Variants in SNX29 observed in about 807,000 individuals in gnomAD.
The protein encoded by SNX29 is sorting nexin-29.
A neutral mutation model predicts 102.1 loss-of-function variants in SNX29; 78 were observed. The ratio of observed to expected loss-of-function variants is 0.76; its 90% CI spans 0.64 to 0.92. The LOEUF (loss-of-function observed/expected upper bound fraction) is 0.92. Among genes scored for constraint, SNX29 ranks in the 40% least tolerant of loss-of-function variants. SNX29 has a pLI of 0.00. For synonymous variants in SNX29, 580 were observed against 414.5 expected, an observed-to-expected ratio of 1.40 and a Z score of -4.85; for missense variants, 1,280 against 1,061.7, an observed-to-expected ratio of 1.21 and a Z score of -2.86.
chr16:12,514,694 G>C (rs979012312), intron 19 of SNX29, among the ~76,000 whole-genome samples: 1 of 152,066 alleles, frequency 6.6e-6, no homozygotes, highest in African/African-American at 2.4e-5. Context: ...GTGAAACCCC[G>C]TCTCTAGTAA....
chr16:12,569,315 C>T lies in SNX29; in HGVS notation c.*686C>T, dbSNP rs1057160950. ...CCCCATGGCTGGCTTCAGGAAGGAC[C>T]AGTGCCCTCCATAGCCTGAGGCCAC... On this transcript the variant is annotated 3_prime_UTR_variant, in exon 21 of 21. Coordinates refer to ENST00000566228, the MANE Select transcript of SNX29 (RefSeq NM_032167.5). 3 of 229,672 alleles carry T rather than the reference C, an allele frequency of 1.3e-5. No homozygotes were observed. Among genetic ancestry groups the T allele is most frequent in the African/African-American group, 2.2e-5 (1 of 45,112 alleles). The allele number at this position is 229,672 out of a possible 1,614,324, so 14.2% of individuals were successfully genotyped here. A position where few individuals can be genotyped will look rare whatever the true frequency, so the allele number is the denominator to read the frequency against.
chr16:12,520,553 A>G (rs2090058625), intron 19 of SNX29, among the ~76,000 whole-genome samples: 1 of 152,214 alleles, frequency 6.6e-6, no homozygotes, highest in Non-Finnish European at 1.5e-5. Flanking sequence ...ATGAGTGAAG[A>G]TGTCACAGAC....
At chr16:12,128,657 T>TG (rs2054324304) in intron 12 of SNX29, among the ~76,000 whole-genome samples, 1 of 152,118 alleles carries the variant, frequency 6.6e-6, no homozygotes. Flanking sequence ...TTCATCATGT[T>TG]GGCCAGGCTG....
intron 11 of SNX29, among the ~76,000 whole-genome samples, chr16:12,079,960 T>C (rs918244562): frequency 3.3e-5 from 5 of 152,204 alleles, no homozygotes; most frequent in Non-Finnish European, 5.9e-5. Context: ...GGGTGAAATA[T>C]AGTATTTTCT....
chr16:12,341,046 T>C (rs755274848), intron 15 of SNX29, among the ~76,000 whole-genome samples: 9 of 152,138 alleles, frequency 5.9e-5, no homozygotes, highest in Non-Finnish European at 1.2e-4. Context: ...ATGATTACAG[T>C]GAAGGAATAT....
chr16:12,546,461 C>T (rs758301682), intron 20 of SNX29: 3 of 152,134 alleles, frequency 2.0e-5, no homozygotes, highest in African/African-American at 7.2e-5. Flanking sequence ...CTTATGAAAC[C>T]ATCACATTCA....
chr16:12,515,578 C>T (rs1464896540), intron 19 of SNX29: 1 of 491,406 alleles, frequency 2.0e-6, no homozygotes, highest in Non-Finnish European at 4.0e-6. Flanking sequence ...TGCATTGCCT[C>T]CTCTGAATCT....
intron 11 of SNX29, among the ~76,000 whole-genome samples, chr16:12,095,525 A>G (rs1228693130): frequency 6.6e-6 from 1 of 152,128 alleles, no homozygotes; most frequent in Non-Finnish European, 1.5e-5. Flanking sequence ...AACATCAAGC[A>G]TGCATGCAGC....
At chr16:12,401,748 T>A (rs961324255) in intron 17 of SNX29, among the ~76,000 whole-genome samples, 2 of 152,208 alleles carry the variant, frequency 1.3e-5, no homozygotes, top group African/African-American at 2.4e-5. Context: ...CTGCTTCTTT[T>A]ATTGCTCTAT....
chr16:12,407,959 T>C (rs1597271033), intron 18 of SNX29, among the ~76,000 whole-genome samples: 1 of 152,194 alleles, frequency 6.6e-6, no homozygotes, highest in East Asian at 1.9e-4. Flanking sequence ...CCCCTGTATT[T>C]CAGCCTACGC....
chr16:12,422,366 C>T (rs1463866982), intron 18 of SNX29, among the ~76,000 whole-genome samples: 1 of 152,174 alleles, frequency 6.6e-6, no homozygotes, highest in East Asian at 1.9e-4. Context: ...TTACCACAGC[C>T]CTTGTGTATC....
intron 10 of SNX29, among the ~76,000 whole-genome samples, chr16:12,076,767 T>C (rs1428621769): frequency 6.6e-6 from 1 of 152,240 alleles, no homozygotes; most frequent in Non-Finnish European, 1.5e-5. Context: ...CCCAGGGTGC[T>C]ATTACATCCT....
chr16:12,067,481 A>C (rs1803968585), intron 9 of SNX29, among the ~76,000 whole-genome samples: 1 of 152,014 alleles, frequency 6.6e-6, no homozygotes. Flanking sequence ...TTCACTAATA[A>C]GTTTCTTTTT....
chr16:12,574,268 A>G lies in SNX29; in HGVS notation c.*5639A>G, dbSNP rs1472141051. ...ACAATGACACAAATTGTGACATTTTATAAATTAGATACTTCAGTGGATGGT... is the reference window on the plus strand; with the variant it reads ...ACAATGACACAAATTGTGACATTTTGTAAATTAGATACTTCAGTGGATGGT... On this transcript the variant is annotated 3_prime_UTR_variant, in exon 21 of 21. Transcript: ENST00000566228. The G allele has an allele frequency of 2.9e-5, 5 of 174,272 alleles. No individual in the cohort carries two copies. Among genetic ancestry groups the G allele is most frequent in the Non-Finnish European group, 6.2e-5 (5 of 80,694 alleles). The allele number at this position is 174,272 out of a possible 1,614,324, so 10.8% of individuals were successfully genotyped here. A position where few individuals can be genotyped will look rare whatever the true frequency, so the allele number is the denominator to read the frequency against.
chr16:12,156,235 G>T (rs548583821), intron 13 of SNX29, among the ~76,000 whole-genome samples: 2 of 152,122 alleles, frequency 1.3e-5, no homozygotes, highest in Non-Finnish European at 2.9e-5. Flanking sequence ...GTGCAGAGGC[G>T]CGATCTTGGC....
At position 12,161,926 on chromosome 16, in the gene SNX29, C is replaced by A. The variant is rs537230375; in HGVS notation, c.1595+32168C>A. Among the ~76,000 whole-genome samples, 5 of 152,304 alleles carry A rather than the reference C, an allele frequency of 3.3e-5. No individual in the cohort carries two copies. In the East Asian group the frequency reaches 9.6e-4, roughly 29 times the overall value. ...TAGACCTCCCTTCCATATAAATTAC[C>A]CAGCCTCAGGTATTCCTGATGAGCA... On this transcript the variant is annotated intron_variant, in intron 13 of 20. Coordinates refer to ENST00000566228, the MANE Select transcript of SNX29 (RefSeq NM_032167.5).
intron 14 of SNX29, among the ~76,000 whole-genome samples, chr16:12,228,317 A>G (rs74998878): frequency 0.024 from 3,706 of 152,242 alleles, 106 homozygotes; most frequent in African/African-American, 0.061. Context: ...CTTTTCCCCA[A>G]TGATCCCTGT....
intron 14 of SNX29, among the ~76,000 whole-genome samples, chr16:12,244,328 G>A (rs1464214660): frequency 6.6e-6 from 1 of 152,190 alleles, no homozygotes; most frequent in African/African-American, 2.4e-5. Flanking sequence ...AATCATACAA[G>A]CCAGGCACGA....
chr16:12,446,047 CTTTTTTTT>C (rs60889973), intron 18 of SNX29, among the ~76,000 whole-genome samples: 4 of 98,590 alleles, frequency 4.1e-5, no homozygotes, highest in South Asian at 3.8e-4. Context: ...GCTTCTCATT[CTTTTTTTT>C]TTTTTTTTTT....
Sources: allele counts gnomAD v4.1 joint callset (sites outside exome capture counted in the v4.1 genomes callset), GRCh38; gene constraint gnomAD v4.1.1; transcripts MANE v1.5; gene names NCBI Gene and HGNC (gene_info 2026-07-23, HGNC 2026-07-21).